Variants in NEBL observed in about 807,000 individuals in gnomAD.
NEBL encodes the protein nebulette.
In NEBL, 122 loss-of-function variants were observed where a neutral mutation model predicts 140.2. The observed-to-expected ratio is 0.87, with a 90% CI of 0.75 to 1.01. The LOEUF (loss-of-function observed/expected upper bound fraction) is 1.01, where lower values mean the gene tolerates loss of function less well. Among genes scored for constraint, NEBL ranks in the 50% least tolerant of loss-of-function variants. NEBL has a pLI of 0.00. For missense variants in NEBL, 1,365 were observed against 1,231.3 expected (o/e 1.11, Z -1.62); for synonymous variants, 436 against 398.9 (o/e 1.09, Z -1.11).
At chr10:20,862,535 C>A (rs988505422) in intron 7 of NEBL, among the ~76,000 whole-genome samples, 1 of 152,226 alleles carries the variant, frequency 6.6e-6, no homozygotes, top group East Asian at 1.9e-4. Flanking sequence ...CACAGACACA[C>A]TCAACATTCT....
chr10:21,166,245 AGAAAAGAAAAAAAAAT>A lies in NEBL; in HGVS notation c.164+6122_164+6137del, dbSNP rs1316930965. Among the ~76,000 whole-genome samples the A allele has an allele frequency of 3.7e-3, 465 of 126,158 alleles. 37 individuals carry two copies. Among genetic ancestry groups the A allele is most frequent in the African/African-American group, 0.015 (450 of 30,856 alleles). The allele number at this position is 126,158 out of a possible 152,430, so 82.8% of individuals were successfully genotyped here. A position where few individuals can be genotyped will look rare whatever the true frequency, so the allele number is the denominator to read the frequency against. On this transcript the variant is annotated intron_variant, in intron 2 of 6. Transcript: ENST00000417816. ...AAAAAAAAAAAAAAAAAAAAAAAAA[AGAAAAGAAAAAAAAAT>A]TTTCTACATCATGATCCAGTACACA...
intron 3 of NEBL, among the ~76,000 whole-genome samples, chr10:21,200,092 G>A (rs116223282): frequency 0.012 from 1,842 of 152,042 alleles, 32 homozygotes; most frequent in African/African-American, 0.042. Context: ...GGTCTCAGCT[G>A]CAACTTAATG....
At chr10:21,215,502 T>C (rs1841978975) in intron 3 of NEBL, among the ~76,000 whole-genome samples, 1 of 152,068 alleles carries the variant, frequency 6.6e-6, no homozygotes, top group Non-Finnish European at 1.5e-5. Context: ...AAAGTAAATA[T>C]TCAGAATGAG....
intron 24 of NEBL, among the ~76,000 whole-genome samples, chr10:20,810,470 C>T (rs1228563386): frequency 3.3e-5 from 5 of 152,152 alleles, no homozygotes; most frequent in African/African-American, 1.2e-4. Context: ...CTAAGTGTAT[C>T]TTAGGGAATG....
intron 4 of NEBL, among the ~76,000 whole-genome samples, chr10:20,930,383 C>T (rs1834125166): frequency 6.6e-6 from 1 of 152,184 alleles, no homozygotes; most frequent in African/African-American, 2.4e-5. Context: ...TTAGTCCAAA[C>T]CACCCTATCT....
chr10:21,096,401 A>G (rs1321097598), intron 2 of NEBL, among the ~76,000 whole-genome samples: 1 of 152,164 alleles, frequency 6.6e-6, no homozygotes, highest in Non-Finnish European at 1.5e-5. Context: ...TAGCCTGAAG[A>G]AGTTGTTTAA....
chr10:20,904,682 CAT>C (rs752453033), intron 4 of NEBL, among the ~76,000 whole-genome samples: 4 of 152,192 alleles, frequency 2.6e-5, no homozygotes, highest in Admixed American at 1.3e-4. Context: ...AACACACACA[CAT>C]GTAACAAGCA....
At chr10:21,034,023 T>G (rs752695418) in intron 2 of NEBL, among the ~76,000 whole-genome samples, 22 of 151,310 alleles carry the variant, frequency 1.5e-4, no homozygotes, top group Non-Finnish European at 2.9e-4. Flanking sequence ...AAAAATTAGC[T>G]GAGAGTGATG....
At chr10:21,057,947 G>T (rs2131869824) in intron 2 of NEBL, among the ~76,000 whole-genome samples, 1 of 152,154 alleles carries the variant, frequency 6.6e-6, no homozygotes, top group Admixed American at 6.5e-5. Context: ...ATATAATCGT[G>T]AACACCAGCT....
At chr10:21,262,828 C>A (rs1404281888) in intron 1 of NEBL, among the ~76,000 whole-genome samples, 1 of 152,088 alleles carries the variant, frequency 6.6e-6, no homozygotes, top group Non-Finnish European at 1.5e-5. Context: ...TTCCAGTGTG[C>A]CCATGATTAC....
intron 2 of NEBL, among the ~76,000 whole-genome samples, chr10:20,895,072 G>A (rs1480594853): frequency 6.6e-6 from 1 of 151,972 alleles, no homozygotes; most frequent in Non-Finnish European, 1.5e-5. Flanking sequence ...GAAATGTATG[G>A]ATTTAGCTTT....
intron 2 of NEBL, among the ~76,000 whole-genome samples, chr10:21,164,868 C>T (rs1527042): frequency 0.25 from 38,545 of 152,074 alleles, 6,114 homozygotes; most frequent in African/African-American, 0.45. Context: ...CATCCTGTCA[C>T]GTCAGATACT....
intron 2 of NEBL, chr10:21,126,073 T>A (rs771626347): frequency 6.2e-7 from 1 of 1,614,090 alleles, no homozygotes; most frequent in South Asian, 1.1e-5. Context: ...CCCAACCAGC[T>A]TCCTGGGAGG....
chr10:21,036,249 C>A (rs937467548), intron 2 of NEBL, among the ~76,000 whole-genome samples: 1 of 151,934 alleles, frequency 6.6e-6, no homozygotes, highest in East Asian at 1.9e-4. Flanking sequence ...TTGCTTGATC[C>A]CAGAGACCAA....
At chr10:20,895,249 A>G (rs1363194833) in intron 2 of NEBL, among the ~76,000 whole-genome samples, 4 of 152,210 alleles carry the variant, frequency 2.6e-5, no homozygotes, top group Non-Finnish European at 4.4e-5. Flanking sequence ...TTGCACTTCA[A>G]TAAAAATATA....
At chr10:20,794,159 G>A (rs369182388) in intron 26 of NEBL, among the ~76,000 whole-genome samples, 1 of 152,210 alleles carries the variant, frequency 6.6e-6, no homozygotes, top group Admixed American at 6.5e-5. Context: ...CACGAGGCGA[G>A]GGGAAGCGGA....
intron 26 of NEBL, among the ~76,000 whole-genome samples, chr10:20,803,317 A>G (rs1259166083): frequency 3.3e-5 from 5 of 152,152 alleles, no homozygotes; most frequent in Non-Finnish European, 7.3e-5. Flanking sequence ...GCTAATTACC[A>G]TGTTCTGATC....
chr10:21,271,382 G>C (rs1842858483), intron 1 of NEBL, among the ~76,000 whole-genome samples: 1 of 152,134 alleles, frequency 6.6e-6, no homozygotes, highest in African/African-American at 2.4e-5. Context: ...GCGGCTGGAG[G>C]GCAGACGAAA....
intron 4 of NEBL, among the ~76,000 whole-genome samples, chr10:20,948,493 A>T (rs1253748320): frequency 6.6e-6 from 1 of 152,192 alleles, no homozygotes; most frequent in Non-Finnish European, 1.5e-5. Flanking sequence ...TAATGTATCA[A>T]ATGCCTTATC....
Sources: allele counts gnomAD v4.1 joint callset (sites outside exome capture counted in the v4.1 genomes callset), GRCh38; gene constraint gnomAD v4.1.1; transcripts MANE v1.5; gene names NCBI Gene and HGNC (gene_info 2026-07-23, HGNC 2026-07-21).